The following NBEAL1 variants were observed in gnomAD, a reference collection of about 807,000 sequenced individuals.
The protein encoded by NBEAL1 is neurobeachin-like protein 1.
NBEAL1 carries 273 observed loss-of-function variants against 351.3 expected under a neutral mutation model. That is an observed-to-expected ratio of 0.78 (90% CI 0.70 to 0.86). The LOEUF is 0.86. Among genes scored for constraint, NBEAL1 ranks in the 40% least tolerant of loss-of-function variants. The probability of loss-of-function intolerance (pLI) is 0.00; values close to 1 mark genes in which losing one functional copy is unlikely to be tolerated. For synonymous variants in NBEAL1, 1,050 were observed against 1,086.4 expected, an observed-to-expected ratio of 0.97 and a Z score of 0.66; for missense variants, 2,961 against 3,201.3, an observed-to-expected ratio of 0.92 and a Z score of 1.81.
intron 17 of NBEAL1, among the ~76,000 whole-genome samples, chr2:203,114,860 T>C (rs1289395982): frequency 6.7e-6 from 1 of 149,092 alleles, no homozygotes; most frequent in African/African-American, 2.4e-5. Flanking sequence ...CAAGTGTTTC[T>C]TGTGCTTCAG....
intron 51 of NBEAL1, among the ~76,000 whole-genome samples, chr2:203,204,587 C>T (rs2065501231): frequency 6.6e-6 from 1 of 152,088 alleles, no homozygotes; most frequent in Non-Finnish European, 1.5e-5. Flanking sequence ...TTCTGCCCAC[C>T]TTGGCCTCCC....
chr2:203,216,705 CATTA>C (rs2065900330), intron 55 of NBEAL1, among the ~76,000 whole-genome samples: 1 of 151,868 alleles, frequency 6.6e-6, no homozygotes, highest in African/African-American at 2.4e-5. Flanking sequence ...ATAACGAGGC[CATTA>C]ATTGTTTAAA....
intron 18 of NBEAL1, among the ~76,000 whole-genome samples, chr2:203,119,424 C>CTTTTTGTTTTTTTTTTTTTTTTTTTTT (rs2062776584): frequency 1.5e-5 from 1 of 66,656 alleles, no homozygotes; most frequent in Non-Finnish European, 2.6e-5. Flanking sequence ...CGGCCTGTTG[C>CTTTTTGTTTTTTTTTTTTTTTTTTTTT]TTTTTTTTTT....
chr2:203,176,465 C>T (rs2064505138), intron 42 of NBEAL1, among the ~76,000 whole-genome samples: 1 of 151,978 alleles, frequency 6.6e-6, no homozygotes, highest in Non-Finnish European at 1.5e-5. Context: ...CAGTTCACAC[C>T]TCTAATCCCA....
At chr2:203,112,801 T>A (rs1175923678) in intron 16 of NBEAL1, among the ~76,000 whole-genome samples, 1 of 152,220 alleles carries the variant, frequency 6.6e-6, no homozygotes, top group Non-Finnish European at 1.5e-5. Flanking sequence ...AAGTAATGCA[T>A]CCAAATGCTA....
At chr2:203,116,154 T>A in intron 18 of NBEAL1, 84 bp downstream of exon 18, 1 of 928,970 alleles carries the variant, frequency 1.1e-6, no homozygotes, top group Non-Finnish European at 1.7e-6. Flanking sequence ...TGTCATTTCA[T>A]TGGGTAATTA....
Position 203,187,684 on chromosome 2 carries a change from A to G in NBEAL1, c.6706-788A>G, listed in dbSNP as rs553810776. On this transcript the variant is annotated intron_variant, in intron 44 of 55. Coordinates refer to ENST00000683969, the MANE Select transcript of NBEAL1 (RefSeq NM_001378026.1). ...TGAACCCATGGGAGGTGGAGGTTAC[A>G]GTGAGCCAAGATCGTGCCACTGCAC... Among the ~76,000 whole-genome samples the G allele has an allele frequency of 9.0e-4, 136 of 151,848 alleles. 1 individual carries two copies. The highest frequency in any genetic ancestry group is 3.1e-3 in the African/African-American group (129 of 41,422).
intron 46 of NBEAL1, 96 bp downstream of exon 46, chr2:203,190,485 A>G: frequency 7.1e-6 from 6 of 843,386 alleles, no homozygotes; most frequent in Non-Finnish European, 9.4e-6. Flanking sequence ...GTATATAGCC[A>G]GTTACTCTCA....
chr2:203,056,382 G>A (rs1303219788), intron 4 of NBEAL1, 45 bp from the exon 5 acceptor site: 1 of 1,026,168 alleles, frequency 9.7e-7, no homozygotes, highest in African/African-American at 1.6e-5. Context: ...CATATGTTTT[G>A]TTCACCATTC....
chr2:203,146,202 T>C (rs1462704271), intron 33 of NBEAL1, among the ~76,000 whole-genome samples: 1 of 152,092 alleles, frequency 6.6e-6, no homozygotes, highest in Admixed American at 6.5e-5. Context: ...AGAATAAGTA[T>C]ATAACCTGAA....
At chr2:203,087,781 C>A (rs1191565807) in intron 10 of NBEAL1, among the ~76,000 whole-genome samples, 1 of 152,140 alleles carries the variant, frequency 6.6e-6, no homozygotes, top group East Asian at 1.9e-4. Context: ...GACACTTAAA[C>A]TTTTTGTGTT....
At chr2:203,050,850 TAAG>T (rs1482985860) in intron 4 of NBEAL1, among the ~76,000 whole-genome samples, 1 of 152,174 alleles carries the variant, frequency 6.6e-6, no homozygotes, top group African/African-American at 2.4e-5. Flanking sequence ...GCACTGCATA[TAAG>T]AATTCAAGAA....
chr2:203,138,385 C>G, intron 30 of NBEAL1, 70 bp downstream of exon 30: 1 of 1,435,066 alleles, frequency 7.0e-7, no homozygotes, highest in Non-Finnish European at 9.5e-7. Context: ...AATTTTGCAC[C>G]CCCTCTTTTT....
chr2:203,124,108 G>A (rs961474076), intron 19 of NBEAL1, among the ~76,000 whole-genome samples: 7 of 152,170 alleles, frequency 4.6e-5, no homozygotes, highest in African/African-American at 1.7e-4. Flanking sequence ...AGGCCATGGC[G>A]GGCAAATTGC....
At chr2:203,094,457 G>A (rs571513830) in intron 10 of NBEAL1, among the ~76,000 whole-genome samples, 1 of 152,254 alleles carries the variant, frequency 6.6e-6, no homozygotes, top group East Asian at 1.9e-4. Flanking sequence ...ATAGAATAAA[G>A]ACAGTTTTGC....
chr2:203,140,107 C>T (rs2063329277), intron 31 of NBEAL1, among the ~76,000 whole-genome samples: 1 of 151,656 alleles, frequency 6.6e-6, no homozygotes, highest in Non-Finnish European at 1.5e-5. Context: ...TTGAGACCAG[C>T]CTGACCAACA....
chr2:203,057,238 G>A, intron 5 of NBEAL1, 88 bp from the exon 6 acceptor site: 1 of 1,173,958 alleles, frequency 8.5e-7, no homozygotes, highest in Non-Finnish European at 1.2e-6. Context: ...AGTCTCAAAG[G>A]GAAAGTTTGG....
rs2063279407 is a variant in NBEAL1 at position 203,138,498 on chromosome 2, C to T, written c.4720-122C>T. 2.6e-6 allele frequency: 3 copies of T among 1,136,426 alleles called. No homozygotes were observed. In the Admixed American group the frequency reaches 8.8e-5, roughly 33 times the overall value. The allele number at this position is 1,136,426 out of a possible 1,614,324, so 70.4% of individuals were successfully genotyped here. A position where few individuals can be genotyped will look rare whatever the true frequency, so the allele number is the denominator to read the frequency against. ...CTAGGATGATTCTTTTGGCTTTTGTCAACTGAACATTGGACTAGCTTTTGA... is the reference window on the plus strand; with the variant it reads ...CTAGGATGATTCTTTTGGCTTTTGTTAACTGAACATTGGACTAGCTTTTGA... On this transcript the variant is annotated intron_variant, in intron 30 of 55. Transcript: ENST00000683969.
intron 18 of NBEAL1, among the ~76,000 whole-genome samples, chr2:203,116,662 C>T (rs1199077192): frequency 2.0e-5 from 3 of 150,124 alleles, no homozygotes; most frequent in Admixed American, 6.6e-5. Context: ...TAGTGGCATG[C>T]GCCTGTAGTC....
Sources: allele counts gnomAD v4.1 joint callset (sites outside exome capture counted in the v4.1 genomes callset), GRCh38; gene constraint gnomAD v4.1.1; transcripts MANE v1.5; gene names NCBI Gene and HGNC (gene_info 2026-07-23, HGNC 2026-07-21).